ACSM6: variants seen among roughly 807,000 people sequenced by gnomAD.
ACSM6 encodes acyl-coenzyme A synthetase ACSM6, mitochondrial.
In ACSM6, 35 loss-of-function variants were observed where a neutral mutation model predicts 51.1. That is an observed-to-expected ratio of 0.69 (90% CI 0.52 to 0.91). The LOEUF (loss-of-function observed/expected upper bound fraction) is 0.91. Ranked by LOEUF, ACSM6 falls within the 40% of genes least tolerant of loss-of-function variation. The probability of loss-of-function intolerance (pLI) is 0.00; values close to 1 mark genes in which losing one functional copy is unlikely to be tolerated. For synonymous variants in ACSM6, 172 were observed against 207.3 expected (o/e 0.83, Z 1.46); for missense variants, 509 against 584.1 (o/e 0.87, Z 1.32).
chr10:95,202,251 A>C, intron 3 of ACSM6, 56 bp downstream of exon 3: 1 of 1,359,446 alleles, frequency 7.4e-7, no homozygotes, highest in Non-Finnish European at 1.0e-6. Flanking sequence ...TCCCAGCCTC[A>C]GTTATTCACA....
intron 9 of ACSM6, among the ~76,000 whole-genome samples, chr10:95,223,853 T>A (rs1291878516): frequency 6.6e-6 from 1 of 151,706 alleles, no homozygotes; most frequent in Non-Finnish European, 1.5e-5. Flanking sequence ...AAAGAAGAAA[T>A]AAAACTATCT....
intron 2 of ACSM6, chr10:95,201,368 C>A (rs1307534573): frequency 7.2e-6 from 3 of 419,350 alleles, no homozygotes; most frequent in Admixed American, 2.5e-5. Context: ...CCATATGTAC[C>A]CACTGTTTAA....
chr10:95,201,923 G>A, intron 2 of ACSM6, 62 bp from the exon 3 acceptor site: 3 of 1,425,264 alleles, frequency 2.1e-6, no homozygotes, highest in Non-Finnish European at 2.9e-6. Flanking sequence ...TGGCAACAGT[G>A]GCCTCCCATA....
At chr10:95,204,534 C>A (rs568884256) in intron 3 of ACSM6, among the ~76,000 whole-genome samples, 3 of 151,768 alleles carry the variant, frequency 2.0e-5, no homozygotes, top group Non-Finnish European at 4.4e-5. Context: ...AGCCTGGGTG[C>A]CAGAATGAGA....
At chr10:95,212,549 CTTA>C (rs1351930638) in intron 6 of ACSM6, among the ~76,000 whole-genome samples, 4 of 152,146 alleles carry the variant, frequency 2.6e-5, no homozygotes, top group African/African-American at 7.2e-5. Flanking sequence ...AACATCTAGG[CTTA>C]TTATTTAAAG....
At chr10:95,212,595 A>G (rs1364213593) in intron 6 of ACSM6, among the ~76,000 whole-genome samples, 1 of 152,236 alleles carries the variant, frequency 6.6e-6, no homozygotes, top group Non-Finnish European at 1.5e-5. Flanking sequence ...TCTTGGATCC[A>G]GAAGTAAATG....
chr10:95,228,605 G>A (rs757967451), intron 10 of ACSM6, 39 bp from the exon 11 acceptor site: 2 of 1,539,060 alleles, frequency 1.3e-6, no homozygotes, highest in South Asian at 2.4e-5. Flanking sequence ...ATTGTGAGAG[G>A]GAAGTAAATG....
At chr10:95,210,476 T>C (rs1449392139) in intron 4 of ACSM6, among the ~76,000 whole-genome samples, 174 bp from the exon 5 acceptor site, 1 of 152,070 alleles carries the variant, frequency 6.6e-6, no homozygotes, top group Non-Finnish European at 1.5e-5. Flanking sequence ...CAAAAATTAA[T>C]GCAAAAAAAA....
At chr10:95,225,255 T>G in intron 9 of ACSM6, 35 bp from the exon 10 acceptor site, 1 of 1,425,018 alleles carries the variant, frequency 7.0e-7, no homozygotes, top group Non-Finnish European at 9.7e-7. Flanking sequence ...AAGTGGTTTG[T>G]AAGGAAAATT....
At chr10:95,220,246 A>AAAAATTGCTATT (rs2034983640) in intron 9 of ACSM6, among the ~76,000 whole-genome samples, 3 of 152,248 alleles carry the variant, frequency 2.0e-5, no homozygotes, top group African/African-American at 7.2e-5. Context: ...ATCGAATAAA[A>AAAAATTGCTATT]AAAATTGCTA....
At chr10:95,195,173 G>A (rs563304626) in intron 2 of ACSM6, among the ~76,000 whole-genome samples, 3 of 152,278 alleles carry the variant, frequency 2.0e-5, no homozygotes, top group Non-Finnish European at 2.9e-5. Context: ...AACTTACTGC[G>A]TAGTGTTTTT....
At chr10:95,211,074 A>G (rs77805243) in intron 5 of ACSM6, among the ~76,000 whole-genome samples, 250 of 152,266 alleles carry the variant, frequency 1.6e-3, no homozygotes, top group African/African-American at 5.8e-3. Context: ...GTGGGATGTT[A>G]CTTGTTTTTC....
exon 2 of ACSM6, chr10:95,194,496 G>A (rs867503196): frequency 3.2e-5 from 49 of 1,551,540 alleles, no homozygotes; most frequent in South Asian, 5.9e-5. Flanking sequence ...ATGCTAGGCC[G>A]ATTTCAACCC....
chr10:95,226,905 A>G (rs985861034), intron 10 of ACSM6, among the ~76,000 whole-genome samples: 2 of 152,084 alleles, frequency 1.3e-5, no homozygotes, highest in African/African-American at 4.8e-5. Flanking sequence ...TGTTTTATAA[A>G]AGTGGGATTG....
chr10:95,206,435 G>C (rs1564587814), intron 3 of ACSM6, among the ~76,000 whole-genome samples: 1 of 152,038 alleles, frequency 6.6e-6, no homozygotes, highest in Non-Finnish European at 1.5e-5. Context: ...TTCCACATTT[G>C]GGCTATTACG....
At chr10:95,206,398 T>G (rs1372352696) in intron 3 of ACSM6, among the ~76,000 whole-genome samples, 1 of 152,224 alleles carries the variant, frequency 6.6e-6, no homozygotes, top group Non-Finnish European at 1.5e-5. Context: ...ATTTATCAGT[T>G]CATCAGCTGA....
intron 8 of ACSM6, among the ~76,000 whole-genome samples, chr10:95,217,289 A>G (rs970819412): frequency 1.3e-5 from 2 of 148,726 alleles, no homozygotes; most frequent in Admixed American, 6.6e-5. Flanking sequence ...CGGAGGTTGC[A>G]GTGAGCCAAG....
chr10:95,201,973 C>T lies in ACSM6; in HGVS notation c.193-12C>T. ...TGACTAATATTCATATTTTAAACAT[C>T]ACCCTGCCTAGGACGGACTCAGAGG... On this transcript the variant is annotated splice_polypyrimidine_tract_variant and intron_variant, in intron 2 of 10. Transcript: ENST00000341686. The T allele has an allele frequency of 6.5e-7, 1 of 1,550,116 alleles. No homozygotes were observed. Among genetic ancestry groups the T allele is most frequent in the Non-Finnish European group, 8.7e-7 (1 of 1,145,594 alleles).
chr10:95,225,246 A>G (rs1167522631), intron 9 of ACSM6, 44 bp from the exon 10 acceptor site: 1 of 1,338,880 alleles, frequency 7.5e-7, no homozygotes, highest in Non-Finnish European at 1.0e-6. Flanking sequence ...GAAGAGCACA[A>G]GTGGTTTGTA....
Sources: allele counts gnomAD v4.1 joint callset (sites outside exome capture counted in the v4.1 genomes callset), GRCh38; gene constraint gnomAD v4.1.1; transcripts MANE v1.5; gene names NCBI Gene and HGNC (gene_info 2026-07-23, HGNC 2026-07-21).